MAPK6: variants seen among roughly 807,000 people sequenced by gnomAD.
The protein encoded by MAPK6 is ERK-3.
MAPK6 carries 19 observed loss-of-function variants against 59.3 expected under a neutral mutation model. That is an observed-to-expected ratio of 0.32 (90% CI 0.22 to 0.47). The LOEUF (loss-of-function observed/expected upper bound fraction) is 0.47, where lower values mean the gene tolerates loss of function less well. Among genes scored for constraint, MAPK6 ranks in the 20% least tolerant of loss-of-function variants. The pLI is 1.00. For missense variants in MAPK6, 724 were observed against 847.9 expected, an observed-to-expected ratio of 0.85 and a Z score of 1.81; for synonymous variants, 316 against 290.3, an observed-to-expected ratio of 1.09 and a Z score of -0.90.
intron 1 of MAPK6, among the ~76,000 whole-genome samples, chr15:52,039,328 G>A (rs1312125201): frequency 3.9e-5 from 6 of 152,090 alleles, no homozygotes; most frequent in Admixed American, 3.3e-4. Context: ...TTTACTGTAA[G>A]TCATCCATAC....
At chr15:52,050,917 A>T (rs1019430973) in intron 3 of MAPK6, among the ~76,000 whole-genome samples, 11 of 152,240 alleles carry the variant, frequency 7.2e-5, no homozygotes, top group Admixed American at 6.5e-5. Context: ...AATACTAGAA[A>T]GTATTTAGAA....
At chr15:52,023,602 G>GT (rs915897410) in intron 1 of MAPK6, among the ~76,000 whole-genome samples, 1 of 152,128 alleles carries the variant, frequency 6.6e-6, no homozygotes, top group Non-Finnish European at 1.5e-5. Context: ...CTCTCTAAGA[G>GT]TTTTTTTGTT....
chr15:52,046,466 A>G lies in MAPK6; in HGVS notation c.6A>G (p.Ala2=). M[A]EKFESLMNIH... The stretch of plus-strand genomic sequence containing the variant: ...GCAATAGTAAGGGTTTCAAAATGGC[A>G]GAGAAATTTGAAAGTCTCATGAACA... Residue 2 remains alanine, a synonymous_variant, in exon 2 of 6, where the codon GCA becomes GCG. Transcript: ENST00000261845. 2 of 1,595,088 alleles carry G rather than the reference A, an allele frequency of 1.3e-6. No homozygotes were observed. The highest frequency in any genetic ancestry group is 4.5e-5 in the East Asian group (2 of 44,720).
intron 1 of MAPK6, among the ~76,000 whole-genome samples, chr15:51,979,217 A>C (rs1256966604): frequency 8.3e-6 from 1 of 120,190 alleles, no homozygotes; most frequent in Non-Finnish European, 1.8e-5. Context: ...AGAAGAAAGA[A>C]AAAAAGAGAA....
chr15:52,040,095 C>G (rs1442637147), intron 1 of MAPK6, among the ~76,000 whole-genome samples: 3 of 152,212 alleles, frequency 2.0e-5, no homozygotes, highest in African/African-American at 7.2e-5. Flanking sequence ...ATGCAGTGAG[C>G]AAGCAGCTAA....
chr15:52,011,896 G>C (rs904569754), intron 3 of MAPK6, among the ~76,000 whole-genome samples: 1 of 152,214 alleles, frequency 6.6e-6, no homozygotes, highest in Non-Finnish European at 1.5e-5. Flanking sequence ...CAGACACACA[G>C]AAGCTTCAAG....
intron 1 of MAPK6, among the ~76,000 whole-genome samples, chr15:52,034,277 GC>G (rs1338857148): frequency 6.6e-6 from 1 of 151,840 alleles, no homozygotes; most frequent in African/African-American, 2.4e-5. Flanking sequence ...GAGCCACCAT[GC>G]CCGGACTCCT....
intron 1 of MAPK6, among the ~76,000 whole-genome samples, chr15:52,034,855 G>A (rs1179423515): frequency 2.6e-5 from 4 of 151,240 alleles, no homozygotes; most frequent in Admixed American, 1.3e-4. Context: ...GCACCACCAC[G>A]CCCGGCTAAT....
chr15:52,006,460 A>T (rs2057258962), intron 3 of MAPK6, among the ~76,000 whole-genome samples: 1 of 152,232 alleles, frequency 6.6e-6, no homozygotes, highest in South Asian at 2.1e-4. Flanking sequence ...TTTCGTTTTC[A>T]ACTAACATTT....
chr15:51,988,929 T>C (rs947854297), intron 2 of MAPK6, among the ~76,000 whole-genome samples: 2 of 152,192 alleles, frequency 1.3e-5, no homozygotes, highest in Non-Finnish European at 2.9e-5. Context: ...CTCCTTGGCT[T>C]GTGGAGTGCT....
chr15:51,994,694 G>T (rs543927898), intron 2 of MAPK6, among the ~76,000 whole-genome samples: 1 of 152,318 alleles, frequency 6.6e-6, no homozygotes, highest in East Asian at 1.9e-4. Flanking sequence ...TTATTCAAGT[G>T]ATCAAAATCA....
At chr15:52,048,715 G>A (rs928284556) in intron 2 of MAPK6, among the ~76,000 whole-genome samples, 3 of 151,338 alleles carry the variant, frequency 2.0e-5, no homozygotes, top group African/African-American at 7.3e-5. Context: ...GATCACTTGA[G>A]GCCAGGAGTT....
exon 2 of MAPK6, among the ~76,000 whole-genome samples, chr15:51,983,302 C>T (rs2057180339): frequency 6.6e-6 from 1 of 151,734 alleles, no homozygotes; most frequent in Non-Finnish European, 1.5e-5. Flanking sequence ...GCCTGACCAA[C>T]ATGGAGAAAC....
intron 2 of MAPK6, among the ~76,000 whole-genome samples, chr15:52,000,732 G>A (rs949884375): frequency 2.6e-5 from 4 of 152,144 alleles, no homozygotes; most frequent in Non-Finnish European, 5.9e-5. Flanking sequence ...CCCAGAAGGC[G>A]GAGGTTGCAG....
intron 1 of MAPK6, among the ~76,000 whole-genome samples, chr15:52,027,481 A>T (rs551299794): frequency 2.6e-5 from 4 of 151,394 alleles, no homozygotes; most frequent in African/African-American, 4.9e-5. Flanking sequence ...GATTCCAATC[A>T]GGCTTAATAC....
At chr15:52,053,589 AGATTGATTGATTGGTTGATTGATTGATT>A (rs754170337) in intron 3 of MAPK6, among the ~76,000 whole-genome samples, 39 of 148,956 alleles carry the variant, frequency 2.6e-4, no homozygotes, top group Admixed American at 8.8e-4. Context: ...TTTTGAAACA[AGATTGATTGATTGGTTGATTGATTGATT>A]GATTGATTGG....
intron 1 of MAPK6, among the ~76,000 whole-genome samples, chr15:52,024,878 CTTTTTTTTTT>C (rs35983896): frequency 2.4e-5 from 2 of 84,162 alleles, no homozygotes; most frequent in African/African-American, 9.0e-5. Flanking sequence ...CATACACTGC[CTTTTTTTTTT>C]TTTTTTTTTT....
chr15:51,978,799 C>T (rs942535262), intron 1 of MAPK6, among the ~76,000 whole-genome samples: 1 of 151,802 alleles, frequency 6.6e-6, no homozygotes, highest in African/African-American at 2.4e-5. Flanking sequence ...ACATAGATTA[C>T]ATTACATTCC....
At chr15:52,032,718 C>T (rs1027927792) in intron 1 of MAPK6, among the ~76,000 whole-genome samples, 2 of 151,904 alleles carry the variant, frequency 1.3e-5, no homozygotes, top group Non-Finnish European at 2.9e-5. Context: ...GACTTTCGCT[C>T]TTGTTGCCCA....
Sources: allele counts gnomAD v4.1 joint callset (sites outside exome capture counted in the v4.1 genomes callset), GRCh38; gene constraint gnomAD v4.1.1; transcripts MANE v1.5; gene names NCBI Gene and HGNC (gene_info 2026-07-23, HGNC 2026-07-21).